PRKN: variants seen among roughly 807,000 people sequenced by gnomAD.
PRKN encodes E3 ubiquitin-protein ligase parkin.
A neutral mutation model predicts 59.5 loss-of-function variants in PRKN; 56 were observed. That is an observed-to-expected ratio of 0.94 (90% CI 0.76 to 1.18). PRKN has a LOEUF of 1.18. PRKN is among the 50% of genes most tolerant of loss of function. The pLI, the probability that PRKN is intolerant of heterozygous loss-of-function variation, is 0.00. For missense variants in PRKN, 657 were observed against 596.4 expected (o/e 1.10, Z -1.06); for synonymous variants, 250 against 222.1 (o/e 1.13, Z -1.12).
At chr6:162,200,335 T>C (rs1014070839) in intron 4 of PRKN, among the ~76,000 whole-genome samples, 3 of 152,110 alleles carry the variant, frequency 2.0e-5, no homozygotes, top group African/African-American at 7.2e-5. Flanking sequence ...ACCTGTTCTC[T>C]AAAGAACCAG....
intron 8 of PRKN, among the ~76,000 whole-genome samples, chr6:161,556,800 T>A (rs1216796552): frequency 6.6e-6 from 1 of 152,194 alleles, no homozygotes; most frequent in Non-Finnish European, 1.5e-5. Flanking sequence ...ACTGGGTTTA[T>A]ATAGAGTCCA....
intron 6 of PRKN, among the ~76,000 whole-genome samples, chr6:161,864,133 T>A (rs1332570715): frequency 6.6e-6 from 1 of 152,156 alleles, no homozygotes; most frequent in Non-Finnish European, 1.5e-5. Context: ...ATTTGACTCC[T>A]CCTTTCATGA....
At chr6:161,940,281 CA>C (rs5881443) in intron 6 of PRKN, among the ~76,000 whole-genome samples, 145,098 of 148,106 alleles carry the variant, frequency 0.98, 71,147 homozygotes, top group Non-Finnish European at 1. Flanking sequence ...AAAAATATAG[CA>C]AAAAAAAAAA....
chr6:162,206,694 G>C (rs1358753687), intron 3 of PRKN, among the ~76,000 whole-genome samples: 2 of 152,168 alleles, frequency 1.3e-5, no homozygotes, highest in African/African-American at 4.8e-5. Flanking sequence ...CAGAGTTTCT[G>C]GACCCGGGAC....
rs562278486 is a variant in PRKN at position 161,444,665 on chromosome 6, G to A, written c.1084-57788C>T. Among the ~76,000 whole-genome samples the A allele has an allele frequency of 1.6e-4, 25 of 152,328 alleles. No homozygotes were observed. Among genetic ancestry groups the A allele is most frequent in the Admixed American group, 4.6e-4 (7 of 15,306 alleles). Reference sequence around the variant, plus strand: ...TGTGCTCAGCCTGTCTGCGGGTAGCGAGGGCTCCTGAGTAACAGCGAGCTT... The same window carrying A: ...TGTGCTCAGCCTGTCTGCGGGTAGCAAGGGCTCCTGAGTAACAGCGAGCTT... On this transcript the variant is annotated intron_variant, in intron 9 of 11. Coordinates refer to ENST00000366898, the MANE Select transcript of PRKN (RefSeq NM_004562.3). This position sits in a 1 kb window ranked among gnomAD's most constrained non-coding sequence, Gnocchi z 5.6.
chr6:161,602,053 T>A (rs1443464626), intron 7 of PRKN, among the ~76,000 whole-genome samples: 1 of 152,226 alleles, frequency 6.6e-6, no homozygotes, highest in African/African-American at 2.4e-5. Context: ...AGTGGTTGAC[T>A]AAAGCTGTTA....
At chr6:162,413,083 T>C (rs1165527995) in intron 2 of PRKN, among the ~76,000 whole-genome samples, 1 of 152,170 alleles carries the variant, frequency 6.6e-6, no homozygotes, top group Non-Finnish European at 1.5e-5. Flanking sequence ...TTCTTAAATA[T>C]GAAAATTGGG....
intron 2 of PRKN, among the ~76,000 whole-genome samples, chr6:162,393,675 C>A (rs1313386447): frequency 1.3e-5 from 2 of 152,136 alleles, no homozygotes; most frequent in Admixed American, 1.3e-4. Flanking sequence ...AATCACTCAA[C>A]ATGGTATTGT....
intron 7 of PRKN, among the ~76,000 whole-genome samples, chr6:161,771,379 AAAT>A (rs1346689399): frequency 7.3e-6 from 1 of 137,354 alleles, no homozygotes; most frequent in Non-Finnish European, 1.5e-5. Flanking sequence ...AAATAAAATA[AAAT>A]AAAATAAAAT....
At chr6:162,084,682 G>A (rs1324914106) in intron 4 of PRKN, among the ~76,000 whole-genome samples, 5 of 152,028 alleles carry the variant, frequency 3.3e-5, no homozygotes, top group Non-Finnish European at 5.9e-5. Context: ...TATATTCAAT[G>A]AAAGTATACA....
chr6:161,606,642 C>A (rs983165043), intron 7 of PRKN, among the ~76,000 whole-genome samples: 5 of 152,128 alleles, frequency 3.3e-5, no homozygotes, highest in Non-Finnish European at 7.4e-5. Flanking sequence ...CTGTATTTAG[C>A]AGAGCAGAGA....
intron 5 of PRKN, among the ~76,000 whole-genome samples, chr6:161,989,345 G>T (rs888860116): frequency 1.3e-5 from 2 of 152,164 alleles, no homozygotes; most frequent in African/African-American, 2.4e-5. Context: ...ACATCAGGGG[G>T]CCTGAGGACA....
rs2128136322 is a variant in PRKN, at chr6:161,575,118, G to C, written c.872-5702C>G. ...TTGCCTGTGTTTTCTAAAAATCTGA[G>C]CTCATTGGTGTTCAATGAATACCAG... On this transcript the variant is annotated intron_variant, in intron 7 of 11. Transcript: ENST00000366898. This position sits in a 1 kb window ranked among gnomAD's most constrained non-coding sequence, Gnocchi z 4.6. 6.6e-6 allele frequency among the ~76,000 whole-genome samples: 1 copy of C among 152,212 alleles called. No homozygotes were observed. Among genetic ancestry groups the C allele is most frequent in the African/African-American group, 2.4e-5 (1 of 41,516 alleles).
intron 6 of PRKN, among the ~76,000 whole-genome samples, chr6:161,901,999 T>C (rs1437686642): frequency 6.6e-6 from 1 of 152,180 alleles, no homozygotes; most frequent in Admixed American, 6.5e-5. Context: ...CGTGTGATGC[T>C]GACACACGGG....
chr6:162,617,527 T>C (rs1361114295), intron 1 of PRKN, among the ~76,000 whole-genome samples: 1 of 152,146 alleles, frequency 6.6e-6, no homozygotes, highest in East Asian at 1.9e-4. Flanking sequence ...TCACCATGCC[T>C]GGCCATATAA....
intron 4 of PRKN, among the ~76,000 whole-genome samples, chr6:162,163,643 T>C (rs1562552097): frequency 1.3e-5 from 2 of 149,060 alleles, no homozygotes; most frequent in South Asian, 2.1e-4. Flanking sequence ...AACAATGATC[T>C]AGAAAAGGAT....
intron 7 of PRKN, among the ~76,000 whole-genome samples, chr6:161,720,517 G>A (rs1035163955): frequency 1.3e-5 from 2 of 148,826 alleles, no homozygotes; most frequent in East Asian, 3.9e-4. Context: ...GGGCACAGGT[G>A]GGGGGGGGCA....
intron 9 of PRKN, among the ~76,000 whole-genome samples, chr6:161,404,509 C>T (rs1395211111): frequency 6.6e-6 from 1 of 152,146 alleles, no homozygotes; most frequent in African/African-American, 2.4e-5. Context: ...CTAATATCAT[C>T]AGTGTCCATG....
At chr6:162,324,267 T>A (rs1467947796) in intron 2 of PRKN, among the ~76,000 whole-genome samples, 1 of 152,104 alleles carries the variant, frequency 6.6e-6, no homozygotes, top group African/African-American at 2.4e-5. Flanking sequence ...GATTAGCAGC[T>A]TCTTGAGGCT....
Sources: gnomAD v4.1 joint callset for allele counts (sites outside exome capture counted in the v4.1 genomes callset) on GRCh38, gnomAD v4.1.1 for gene constraint, Gnocchi (gnomAD v3.1) non-coding constraint, MANE v1.5 for transcripts, NCBI Gene and HGNC (gene_info 2026-07-23, HGNC 2026-07-21) for gene names.